SLC30A8: variants seen among roughly 807,000 people sequenced by gnomAD.
SLC30A8 encodes the protein solute carrier family 30 member 8, also known as proton-coupled zinc antiporter SLC30A8.
A neutral mutation model predicts 36.9 loss-of-function variants in SLC30A8; 27 were observed. That is an observed-to-expected ratio of 0.73 (90% confidence interval 0.54 to 1.01). The LOEUF (loss-of-function observed/expected upper bound fraction) is 1.01. Among genes scored for constraint, SLC30A8 ranks in the 50% least tolerant of loss-of-function variants. SLC30A8 has a pLI of 0.00. For synonymous variants in SLC30A8, 164 were observed against 172.4 expected, an observed-to-expected ratio of 0.95 and a Z score of 0.38; for missense variants, 439 against 452.0, an observed-to-expected ratio of 0.97 and a Z score of 0.26.
chr8:117,103,903 A>G (rs149194033), intron 2 of SLC30A8, among the ~76,000 whole-genome samples: 158 of 152,258 alleles, frequency 1.0e-3, no homozygotes, highest in South Asian at 2.7e-3. Context: ...TTTTAGTTGT[A>G]TAACATTCTC....
At chr8:117,094,880 C>T (rs952609921) in intron 2 of SLC30A8, among the ~76,000 whole-genome samples, 1 of 152,238 alleles carries the variant, frequency 6.6e-6, no homozygotes, top group Non-Finnish European at 1.5e-5. Flanking sequence ...CACCCAAAGT[C>T]CAGAGGGGGC....
chr8:117,170,729 C>A (rs1480568910), intron 6 of SLC30A8, among the ~76,000 whole-genome samples: 1 of 152,022 alleles, frequency 6.6e-6, no homozygotes, highest in Non-Finnish European at 1.5e-5. Flanking sequence ...TTTTACTTTC[C>A]AGAGTGTATA....
At chr8:116,951,868 T>C (rs1459052519) in intron 1 of SLC30A8, among the ~76,000 whole-genome samples, 3 of 151,844 alleles carry the variant, frequency 2.0e-5, no homozygotes, top group East Asian at 2.0e-4. Flanking sequence ...CCTGAAAAGA[T>C]GGGATTGGGC....
chr8:117,033,559 G>A (rs1442795414), intron 1 of SLC30A8, among the ~76,000 whole-genome samples: 1 of 152,202 alleles, frequency 6.6e-6, no homozygotes, highest in African/African-American at 2.4e-5. Context: ...GAGTGATTAC[G>A]CAGCATCATG....
chr8:117,101,116 T>TA (rs1249738332), intron 2 of SLC30A8, among the ~76,000 whole-genome samples: 2 of 152,080 alleles, frequency 1.3e-5, no homozygotes, highest in East Asian at 1.9e-4. Flanking sequence ...TGTTTTCAAT[T>TA]AAAAAAATAT....
chr8:116,953,933 C>T (rs994466020), intron 1 of SLC30A8, among the ~76,000 whole-genome samples: 5 of 152,090 alleles, frequency 3.3e-5, no homozygotes, highest in African/African-American at 1.2e-4. Flanking sequence ...ATCTCTCTGG[C>T]AGCAGTGTGG....
intron 1 of SLC30A8, among the ~76,000 whole-genome samples, chr8:117,011,526 G>T (rs1290535790): frequency 6.6e-6 from 1 of 152,204 alleles, no homozygotes; most frequent in African/African-American, 2.4e-5. Context: ...ACAGAGAGAA[G>T]CCTAGAGAGA....
At chr8:117,013,134 A>G (rs1816401561) in intron 1 of SLC30A8, among the ~76,000 whole-genome samples, 1 of 152,156 alleles carries the variant, frequency 6.6e-6, no homozygotes, top group African/African-American at 2.4e-5. Flanking sequence ...TGTTAGCAAA[A>G]TGGATTTGTA....
At chr8:117,031,033 G>A (rs1263811553) in intron 1 of SLC30A8, among the ~76,000 whole-genome samples, 12 of 152,076 alleles carry the variant, frequency 7.9e-5, no homozygotes, top group African/African-American at 2.7e-4. Flanking sequence ...GATCTTCTCG[G>A]AATTTTTGTG....
chr8:117,051,230 AATC>A (rs1479489719), intron 2 of SLC30A8, among the ~76,000 whole-genome samples: 1 of 152,234 alleles, frequency 6.6e-6, no homozygotes, highest in Non-Finnish European at 1.5e-5. Flanking sequence ...CTCGTTGGCC[AATC>A]ATCCTCTAGG....
At chr8:117,132,365 C>A (rs1821170228), upstream of SLC30A8, among the ~76,000 whole-genome samples, 1 of 151,958 alleles carries the variant, frequency 6.6e-6, no homozygotes, top group African/African-American at 2.4e-5. Flanking sequence ...AGAGCCAAAC[C>A]AGTTCTTCAG....
intron 3 of SLC30A8, among the ~76,000 whole-genome samples, chr8:117,153,432 G>A (rs1234414279): frequency 6.6e-6 from 1 of 152,114 alleles, no homozygotes; most frequent in East Asian, 1.9e-4. Flanking sequence ...TAAAGCTTCT[G>A]CCATATTGCA....
At chr8:117,165,394 C>A (rs914586180) in intron 6 of SLC30A8, among the ~76,000 whole-genome samples, 4 of 152,172 alleles carry the variant, frequency 2.6e-5, no homozygotes, top group Non-Finnish European at 5.9e-5. Flanking sequence ...TTTATCTGCA[C>A]AGCAAGATAT....
chr8:116,976,834 T>TCTTTCTTTCTTTC (rs1815044867), intron 1 of SLC30A8, among the ~76,000 whole-genome samples: 6 of 143,086 alleles, frequency 4.2e-5, no homozygotes, highest in African/African-American at 1.8e-4. Context: ...TTTTTTTTTT[T>TCTTTCTTTCTTTC]TTTTACAGAG....
chr8:116,955,035 C>T (rs756943777), intron 1 of SLC30A8, among the ~76,000 whole-genome samples: 9 of 152,098 alleles, frequency 5.9e-5, no homozygotes, highest in Admixed American at 2.0e-4. Flanking sequence ...TGATGGCTTC[C>T]GTTGTCTGTG....
chr8:117,091,750 C>T (rs1819137551), intron 2 of SLC30A8, among the ~76,000 whole-genome samples: 1 of 152,104 alleles, frequency 6.6e-6, no homozygotes, highest in Admixed American at 6.5e-5. Context: ...ATATATGTGG[C>T]TTACCTTATA....
At chr8:117,118,327 A>G (rs561904926) in intron 2 of SLC30A8, among the ~76,000 whole-genome samples, 4 of 152,098 alleles carry the variant, frequency 2.6e-5, no homozygotes, top group Non-Finnish European at 5.9e-5. Context: ...AACTTTTGAC[A>G]TACAACTCAA....
chr8:116,985,528 G>A (rs1312844256), intron 1 of SLC30A8, among the ~76,000 whole-genome samples: 2 of 151,892 alleles, frequency 1.3e-5, no homozygotes, highest in African/African-American at 2.4e-5. Context: ...AAATGTTCTT[G>A]TACATAATGT....
At chr8:117,124,648 G>GA (rs35557733) in intron 2 of SLC30A8, among the ~76,000 whole-genome samples, 41,349 of 110,982 alleles carry the variant, frequency 0.37, 6,500 homozygotes, top group African/African-American at 0.45. Context: ...CTTGTATCCA[G>GA]AAAAAAAAAA....
Sources: gnomAD v4.1 joint callset for allele counts (sites outside exome capture counted in the v4.1 genomes callset) on GRCh38, gnomAD v4.1.1 for gene constraint, MANE v1.5 for transcripts, NCBI Gene and HGNC (gene_info 2026-07-23, HGNC 2026-07-21) for gene names.